DNAJC27: variants seen among roughly 807,000 people sequenced by gnomAD.
The protein encoded by DNAJC27 is DnaJ heat shock protein family (Hsp40) member C27.
DNAJC27 carries 25 observed loss-of-function variants against 31.4 expected under a neutral mutation model. The observed-to-expected ratio is 0.80, with a 90% CI of 0.58 to 1.11. The LOEUF is 1.11. Ranked by LOEUF, DNAJC27 falls within the 50% of genes most tolerant of loss-of-function variation. DNAJC27 has a pLI of 0.00. For missense variants in DNAJC27, 356 were observed against 347.3 expected, an observed-to-expected ratio of 1.02 and a Z score of -0.20; for synonymous variants, 106 against 112.7, an observed-to-expected ratio of 0.94 and a Z score of 0.37.
intron 5 of DNAJC27, among the ~76,000 whole-genome samples, chr2:24,955,321 G>T (rs543275084): frequency 6.6e-6 from 1 of 152,280 alleles, no homozygotes; most frequent in Admixed American, 6.5e-5. Context: ...ACAGTAGATT[G>T]TCAGTGGTGA....
At chr2:24,950,723 T>C (rs1665751258) in intron 6 of DNAJC27, among the ~76,000 whole-genome samples, 2 of 152,098 alleles carry the variant, frequency 1.3e-5, no homozygotes, top group South Asian at 2.1e-4. Context: ...GGCGTGTGCC[T>C]GTAATCCCAG....
chr2:24,948,554 AAAG>A (rs1665698365), intron 6 of DNAJC27, among the ~76,000 whole-genome samples: 1 of 152,204 alleles, frequency 6.6e-6, no homozygotes, highest in Non-Finnish European at 1.5e-5. Flanking sequence ...TCACGAGACC[AAAG>A]AAGAAACACG....
At position 24,949,936 on chromosome 2, in the gene DNAJC27, C is replaced by CT. The variant is rs397949355; in HGVS notation, c.689+1457dup. Among the ~76,000 whole-genome samples, 877 of 138,738 alleles carry CT rather than the reference C, an allele frequency of 6.3e-3. 3 individuals are homozygous for CT. Among genetic ancestry groups the CT allele is most frequent in the African/African-American group, 0.013 (495 of 37,860 alleles). 91.0% of individuals were successfully genotyped at this position (138,738 alleles called of 152,430 possible). ...TGCAATCTTACTGAAACCCTACTGG[C>CT]TTTTTTTTTTTTCATAAATGGAGAA... On this transcript the variant is annotated intron_variant, in intron 6 of 6. Transcript: ENST00000264711.
rs1455933991 is a variant in DNAJC27, at chr2:24,943,662, T to C, written c.*3954A>G. 2.6e-5 allele frequency: 4 copies of C among 152,636 alleles called. No individual in the cohort carries two copies. The East Asian group carries it at 7.7e-4, about 29-fold the overall frequency. 9.5% of individuals were successfully genotyped at this position (152,636 alleles called of 1,614,324 possible). On this transcript the variant is annotated 3_prime_UTR_variant, in exon 7 of 7. Transcript: ENST00000264711. Reference sequence around the variant, plus strand: ...CGGTGTTTGATACTTGGCTTTACTTTATAAAAATACACAACTTAAATACAT... The same window carrying C: ...CGGTGTTTGATACTTGGCTTTACTTCATAAAAATACACAACTTAAATACAT...
rs550670666 is a variant in DNAJC27 at position 24,968,519 on chromosome 2, A to ATTT, written c.88-1229_88-1227dup. Among the ~76,000 whole-genome samples, 736 of 150,778 alleles carry ATTT rather than the reference A, an allele frequency of 4.9e-3. 5 individuals are homozygous for ATTT. Among genetic ancestry groups the ATTT allele is most frequent in the African/African-American group, 0.017 (716 of 41,152 alleles). On this transcript the variant is annotated intron_variant, in intron 1 of 6. Transcript: ENST00000264711. Reference sequence around the variant, plus strand: ...ATTTATTTATTTATTTATTATTATTATTTTTTTTGTAGAGACGGGGTTTCA... The same window carrying ATTT: ...ATTTATTTATTTATTTATTATTATTATTTTTTTTTTTGTAGAGACGGGGTTTCA...
intron 3 of DNAJC27, among the ~76,000 whole-genome samples, chr2:24,958,993 G>A (rs2149126251): frequency 6.6e-6 from 1 of 152,232 alleles, no homozygotes; most frequent in East Asian, 1.9e-4. Context: ...CTGGGCATAG[G>A]CAGATATCTG....
upstream of DNAJC27, chr2:24,972,003 G>T: frequency 5.7e-6 from 5 of 871,144 alleles, no homozygotes; most frequent in Non-Finnish European, 8.1e-6. Context: ...CGCTGCTCTC[G>T]TCACCGCCTC....
At chr2:24,958,036 A>C in intron 3 of DNAJC27, 62 bp from the exon 4 acceptor site, 28 of 1,477,302 alleles carry the variant, frequency 1.9e-5, no homozygotes, top group Non-Finnish European at 2.4e-5. Flanking sequence ...AATGTATCTC[A>C]CAGTCATTAA....
intron 1 of DNAJC27, among the ~76,000 whole-genome samples, chr2:24,970,288 G>A (rs973726541): frequency 2.9e-4 from 44 of 151,876 alleles, no homozygotes; most frequent in African/African-American, 9.4e-4. Flanking sequence ...GTAAACAATC[G>A]TATTATTAGC....
At position 24,944,410 on chromosome 2, in the gene DNAJC27, C is replaced by T. The variant is rs1307618149; in HGVS notation, c.*3206G>A. ...ATTCAGAGCTTGCAGTGGCTGCTTA[C>T]TTACTCTGGCTATCTTTCAGAAATT... On this transcript the variant is annotated 3_prime_UTR_variant, in exon 7 of 7. Coordinates refer to ENST00000264711, the MANE Select transcript of DNAJC27 (RefSeq NM_016544.3). 1 of 150,918 alleles carries T rather than the reference C, an allele frequency of 6.6e-6. No homozygotes were observed. Among genetic ancestry groups the T allele is most frequent in the Non-Finnish European group, 1.5e-5 (1 of 67,806 alleles). The allele number at this position is 150,918 out of a possible 1,614,324, so 9.3% of individuals were successfully genotyped here.
At chr2:24,953,970 G>A (rs950315999) in intron 5 of DNAJC27, among the ~76,000 whole-genome samples, 2 of 152,118 alleles carry the variant, frequency 1.3e-5, no homozygotes, top group African/African-American at 4.8e-5. Flanking sequence ...AGTGCAAGAC[G>A]GCTCCCTGAG....
chr2:24,957,944 C>T lies in DNAJC27; in HGVS notation c.271G>A (p.Gly91Ser), dbSNP rs1665948056. 1 of 1,612,424 alleles carries T rather than the reference C, an allele frequency of 6.2e-7. No homozygotes were observed. The highest frequency in any genetic ancestry group is 8.5e-7 in the Non-Finnish European group (1 of 1,179,532). Residue 91 changes from glycine to serine, a missense_variant, in exon 4 of 7, where the codon GGT becomes AGT. By Grantham distance (56) the Gly-to-Ser change is moderately conservative. Transcript: ENST00000264711. The stretch of plus-strand genomic sequence containing the variant: ...CCAACATCATAGACCAGTATCACAC[C>T]CTGTGTGTCCTTGTAAAACTCATTT... ...VRNEFYKDTQ[G>S]VILVYDVGQK...
intron 5 of DNAJC27, among the ~76,000 whole-genome samples, chr2:24,953,130 T>C (rs1665820136): frequency 6.6e-6 from 1 of 152,136 alleles, no homozygotes; most frequent in Admixed American, 6.5e-5. Flanking sequence ...TAATTATTAT[T>C]GAATAATACT....
chr2:24,950,860 A>T (rs905497290), intron 6 of DNAJC27, among the ~76,000 whole-genome samples: 4 of 103,272 alleles, frequency 3.9e-5, no homozygotes, highest in South Asian at 3.5e-4. Flanking sequence ...AAATAAAAAT[A>T]AAAAAAAAAA....
chr2:24,963,251 C>G (rs1056815141), intron 3 of DNAJC27, 154 bp downstream of exon 3: 2 of 482,808 alleles, frequency 4.1e-6, no homozygotes, highest in Admixed American at 7.2e-5. Flanking sequence ...CAACAGTTGT[C>G]TATTAACTCA....
chr2:24,955,728 T>C (rs1665889872), intron 5 of DNAJC27, among the ~76,000 whole-genome samples: 1 of 152,096 alleles, frequency 6.6e-6, no homozygotes, highest in Non-Finnish European at 1.5e-5. Flanking sequence ...TCAGAATGAG[T>C]GCTAACATCT....
chr2:24,968,272 T>C (rs1666239474), intron 1 of DNAJC27, among the ~76,000 whole-genome samples: 1 of 152,166 alleles, frequency 6.6e-6, no homozygotes, highest in African/African-American at 2.4e-5. Context: ...CTCCATTTCA[T>C]TGCTTGCTAG....
rs1249747340 is a variant in DNAJC27 at position 24,946,804 on chromosome 2, C to T, written c.*812G>A. The T allele has an allele frequency of 6.6e-6, 1 of 152,274 alleles. No homozygotes were observed. Among genetic ancestry groups the T allele is most frequent in the Non-Finnish European group, 1.5e-5 (1 of 68,128 alleles). 9.4% of individuals were successfully genotyped at this position (152,274 alleles called of 1,614,324 possible). A position where few individuals can be genotyped will look rare whatever the true frequency, so the allele number is the denominator to read the frequency against. ...GGACTACAGGCGGATACTACTGCAG[C>T]TGGCTCCTCCAAGTACTTCTGTCTT... On this transcript the variant is annotated 3_prime_UTR_variant, in exon 7 of 7. Transcript: ENST00000264711.
intron 5 of DNAJC27, among the ~76,000 whole-genome samples, chr2:24,954,670 G>A (rs1665861991): frequency 6.6e-6 from 1 of 152,238 alleles, no homozygotes; most frequent in African/African-American, 2.4e-5. Context: ...GGGTGCGGTG[G>A]CTCATGCCTG....
Sources: gnomAD v4.1 joint callset for allele counts (sites outside exome capture counted in the v4.1 genomes callset) on GRCh38, gnomAD v4.1.1 for gene constraint, MANE v1.5 for transcripts, NCBI Gene and HGNC (gene_info 2026-07-23, HGNC 2026-07-21) for gene names.